The following BAHCC1 variants were observed in gnomAD, a reference collection of about 807,000 sequenced individuals.
BAHCC1 encodes BAH domain and coiled-coil containing 1.
BAHCC1 carries 43 observed loss-of-function variants against 88.2 expected under a neutral mutation model. The ratio of observed to expected loss-of-function variants is 0.49; its 90% confidence interval spans 0.38 to 0.63. The LOEUF (loss-of-function observed/expected upper bound fraction) is 0.63, where lower values mean the gene tolerates loss of function less well. Ranked by LOEUF, BAHCC1 falls within the 20% of genes least tolerant of loss-of-function variation. BAHCC1 has a pLI of 0.00. For synonymous variants in BAHCC1, 1,510 were observed against 745.5 expected, an observed-to-expected ratio of 2.03 and a Z score of -16.71; for missense variants, 3,023 against 1,654.8, an observed-to-expected ratio of 1.83 and a Z score of -14.34.
In BAHCC1 at chr17:81,452,612, C is replaced by G. The variant is rs1410866421; in HGVS notation, c.4317-111C>G. 9 of 556,312 alleles carry G rather than the reference C, an allele frequency of 1.6e-5. No individual in the cohort carries two copies. In the African/African-American group the frequency reaches 1.8e-4, roughly 11 times the overall value. The allele number at this position is 556,312 out of a possible 1,614,324, so 34.5% of individuals were successfully genotyped here. A position where few individuals can be genotyped will look rare whatever the true frequency, so the allele number is the denominator to read the frequency against. ...CAGGCTCCCCAGGCCGAGTCTGGGC[C>G]GCATCTTTCCCCACACCCAGTAGCC... On this transcript the variant is annotated intron_variant, in intron 13 of 27. Coordinates refer to ENST00000675386, the MANE Select transcript of BAHCC1 (RefSeq NM_001377448.1).
At chr17:81,444,860 G>A in intron 8 of BAHCC1, 34 bp downstream of exon 8, 1 of 755,586 alleles carries the variant, frequency 1.3e-6, no homozygotes. Context: ...CTGTACTTGG[G>A]GGGTGCTGTT....
At chr17:81,406,707 A>G (rs1250560710) in intron 2 of BAHCC1, among the ~76,000 whole-genome samples, 1 of 152,238 alleles carries the variant, frequency 6.6e-6, no homozygotes, top group Non-Finnish European at 1.5e-5. Context: ...GCCCCAGAGC[A>G]GCTGCCGCGG....
intron 2 of BAHCC1, among the ~76,000 whole-genome samples, chr17:81,417,358 G>A (rs1478569464): frequency 6.6e-6 from 1 of 152,150 alleles, no homozygotes; most frequent in Non-Finnish European, 1.5e-5. Context: ...TGTCTTAGGG[G>A]CAAGGGGAGG....
chr17:81,444,359 G>A lies in BAHCC1; in HGVS notation c.2325-22G>A, dbSNP rs1373225281. 8 of 722,094 alleles carry A rather than the reference G, an allele frequency of 1.1e-5. No individual in the cohort carries two copies. The African/African-American group carries it at 1.4e-4, about 13-fold the overall frequency. 44.7% of individuals were successfully genotyped at this position (722,094 alleles called of 1,614,324 possible). ...AGCTGGGCCTTGGCGCCGGCGGCAG[G>A]GCTGAGCCCCAGGTCTTACAGGGAC... On this transcript the variant is annotated intron_variant, in intron 6 of 27. Coordinates refer to ENST00000675386, the MANE Select transcript of BAHCC1 (RefSeq NM_001377448.1).
intron 27 of BAHCC1, among the ~76,000 whole-genome samples, 197 bp from the exon 28 acceptor site, chr17:81,463,414 G>A (rs904993732): frequency 5.3e-5 from 8 of 152,176 alleles, no homozygotes; most frequent in African/African-American, 1.4e-4. Flanking sequence ...GAGGGTCCCC[G>A]GCAGGTTCCT....
intron 2 of BAHCC1, chr17:81,406,814 C>T (rs12450346): frequency 0.22 from 100,047 of 449,788 alleles, 12,578 homozygotes; most frequent in African/African-American, 0.37. Flanking sequence ...ATGAGGTCGG[C>T]GCGGGGTTTG....
intron 1 of BAHCC1, among the ~76,000 whole-genome samples, chr17:81,398,873 C>A (rs1475310651): frequency 6.9e-6 from 1 of 144,166 alleles, no homozygotes; most frequent in African/African-American, 2.6e-5. Flanking sequence ...ACGGTGGATT[C>A]AGAAGAATGG....
At chr17:81,452,662 G>T in intron 13 of BAHCC1, 61 bp from the exon 14 acceptor site, 1 of 663,614 alleles carries the variant, frequency 1.5e-6, no homozygotes. Context: ...CCCTCGGCTG[G>T]AACCTTGTCG....
Position 81,399,986 on chromosome 17 carries a change from G to A in BAHCC1, c.178+69G>A. 2.5e-6 allele frequency: 3 copies of A among 1,198,424 alleles called. No individual in the cohort carries two copies. Among genetic ancestry groups the A allele is most frequent in the South Asian group, 2.5e-5 (1 of 39,892 alleles). 74.2% of individuals were successfully genotyped at this position (1,198,424 alleles called of 1,614,324 possible). On this transcript the variant is annotated intron_variant, in intron 2 of 27. Coordinates refer to ENST00000675386, the MANE Select transcript of BAHCC1 (RefSeq NM_001377448.1). This position sits in a 1 kb window ranked among gnomAD's most constrained non-coding sequence, Gnocchi z 4.5. ...AGCGGAACAGGGCGCCCACCCCTCCGCTCCCGGGAGCAGAGAAGCTTTGGT... is the reference window on the plus strand; with the variant it reads ...AGCGGAACAGGGCGCCCACCCCTCCACTCCCGGGAGCAGAGAAGCTTTGGT...
intron 3 of BAHCC1, 118 bp from the exon 4 acceptor site, chr17:81,438,252 G>C: frequency 1.4e-6 from 1 of 690,868 alleles, no homozygotes; most frequent in Non-Finnish European, 2.7e-6. Flanking sequence ...CTGCGTGCTG[G>C]GCTCTGCGGG....
intron 2 of BAHCC1, 81 bp from the exon 3 acceptor site, chr17:81,426,719 G>A (rs2064204320): frequency 2.5e-6 from 1 of 398,262 alleles, no homozygotes; most frequent in Non-Finnish European, 4.4e-6. Flanking sequence ...CTGTGGAGAA[G>A]GGCTGTGGTG....
At position 81,408,584 on chromosome 17, in the gene BAHCC1, C is replaced by T. The variant is rs915726027; in HGVS notation, c.178+8667C>T. On this transcript the variant is annotated intron_variant, in intron 2 of 27. Coordinates refer to ENST00000675386, the MANE Select transcript of BAHCC1 (RefSeq NM_001377448.1). ...CGGCGTCACATCCTCTCAGAGCCCC[C>T]GTGTGACTCTGCCTAAGTGGAGAGG... Among the ~76,000 whole-genome samples, 46 of 152,156 alleles carry T rather than the reference C, an allele frequency of 3.0e-4. 1 individual carries two copies. Among genetic ancestry groups the T allele is most frequent in the African/African-American group, 1.0e-3 (43 of 41,440 alleles).
Position 81,447,441 on chromosome 17 carries a change from G to A in BAHCC1, c.3569G>A (p.Gly1190Glu), listed in dbSNP as rs376352172. ...GAREERSREE[G>E]EQGPSSGASS... ...CGAGAAGAGAGGAGCAGGGAGGAGG[G>A]GGAGCAGGGGCCCTCGTCAGGGGCC... Residue 1190 changes from glycine (G) to glutamate (E), a missense_variant, in exon 11 of 28, where the codon GGG becomes GAG. Gly to Glu is a moderately conservative substitution (Grantham distance 98). Transcript: ENST00000675386. 54 of 745,420 alleles carry A rather than the reference G, an allele frequency of 7.2e-5. No homozygotes were observed. The highest frequency in any genetic ancestry group is 1.2e-4 in the Non-Finnish European group (47 of 401,118). The allele number at this position is 745,420 out of a possible 1,614,324, so 46.2% of individuals were successfully genotyped here.
intron 2 of BAHCC1, among the ~76,000 whole-genome samples, chr17:81,412,553 C>T (rs2063967423): frequency 6.6e-6 from 1 of 152,164 alleles, no homozygotes; most frequent in Admixed American, 6.5e-5. Flanking sequence ...GGCCCGTCGG[C>T]CAGGGCAGGG....
intron 26 of BAHCC1, 168 bp from the exon 27 acceptor site, chr17:81,462,572 C>T (rs1301377923): frequency 8.5e-6 from 5 of 587,396 alleles, no homozygotes; most frequent in African/African-American, 3.7e-5. Context: ...TCCATGGCTG[C>T]CATGGCCTTA....
chr17:81,443,230 G>A lies in BAHCC1; in HGVS notation c.1881G>A (p.Pro627=), dbSNP rs79567715. 0.048 allele frequency: 37,279 copies of A among 779,394 alleles called. 2,469 individuals carry two copies. The highest frequency in any genetic ancestry group is 0.17 in the East Asian group (6,819 of 41,234). 48.3% of individuals were successfully genotyped at this position (779,394 alleles called of 1,614,324 possible). The change falls in exon 5 of 28, where the codon CCG becomes CCA. Residue 627 remains proline, a synonymous_variant. Transcript: ENST00000675386. Reference sequence around the variant, plus strand: ...TGCCCCAGGAACTGCCTGCGCCGCCGGACGAGGTCTCAGCCATGAAGAACC... The same window carrying A: ...TGCCCCAGGAACTGCCTGCGCCGCCAGACGAGGTCTCAGCCATGAAGAACC... ...ALLPQELPAP[P]DEVSAMKNLL...
Position 81,408,338 on chromosome 17 carries a change from C to A in BAHCC1, c.178+8421C>A, listed in dbSNP as rs924453653. Among the ~76,000 whole-genome samples, 6 of 152,130 alleles carry A rather than the reference C, an allele frequency of 3.9e-5. No homozygotes were observed. The South Asian group carries it at 1.2e-3, about 31-fold the overall frequency. ...TGGCCACCTCCACCCCAGGCCTCTGCGCCTGGGGTCCTAGAGGTTCCTAGA... is the reference window on the plus strand; with the variant it reads ...TGGCCACCTCCACCCCAGGCCTCTGAGCCTGGGGTCCTAGAGGTTCCTAGA... On this transcript the variant is annotated intron_variant, in intron 2 of 27. Transcript: ENST00000675386.
intron 16 of BAHCC1, 137 bp downstream of exon 16, chr17:81,456,722 G>A: frequency 1.7e-6 from 1 of 581,656 alleles, no homozygotes; most frequent in South Asian, 2.2e-5. Context: ...CCAAGGAGAC[G>A]TTTTCACTGA....
chr17:81,431,240 C>T (rs1453924685), intron 3 of BAHCC1, among the ~76,000 whole-genome samples: 5 of 152,226 alleles, frequency 3.3e-5, no homozygotes, highest in South Asian at 4.1e-4. Flanking sequence ...GGCCCCTCAC[C>T]GTGGCCTGCC....
Sources: allele counts gnomAD v4.1 joint callset (sites outside exome capture counted in the v4.1 genomes callset), GRCh38; gene constraint gnomAD v4.1.1; non-coding constraint Gnocchi (gnomAD v3.1); transcripts MANE v1.5; gene names NCBI Gene and HGNC (gene_info 2026-07-23, HGNC 2026-07-21).